ZNF860: variants seen among roughly 807,000 people sequenced by gnomAD.
The protein encoded by ZNF860 is zinc finger protein 860.
For missense variants in ZNF860, 641 were observed against 759.2 expected (o/e 0.84, Z 1.83); for synonymous variants, 206 against 248.9 (o/e 0.83, Z 1.62).
At chr3:32,002,352 C>T in the ZNF860 span, among the ~76,000 whole-genome samples, 2 of 152,156 alleles carry the variant, frequency 1.3e-5, no homozygotes, top group Non-Finnish European at 2.9e-5. Flanking sequence ...CATAGGGTAT[C>T]TCCCCAAACA....
intron 1 of ZNF860, among the ~76,000 whole-genome samples, chr3:31,987,431 T>G (rs781122652): frequency 2.6e-5 from 4 of 152,258 alleles, no homozygotes; most frequent in Non-Finnish European, 4.4e-5. Flanking sequence ...TACATTAGTT[T>G]AATTATTTCC....
At chr3:31,995,668 TTAAAA>T (rs1699084261), downstream of ZNF860, among the ~76,000 whole-genome samples, 1 of 152,158 alleles carries the variant, frequency 6.6e-6, no homozygotes, top group African/African-American at 2.4e-5. Context: ...GATTAAGAGA[TTAAAA>T]TAAAGACAGG....
the ZNF860 span, among the ~76,000 whole-genome samples, chr3:32,006,127 T>C: frequency 6.6e-6 from 1 of 151,906 alleles, no homozygotes; most frequent in Non-Finnish European, 1.5e-5. Context: ...GTATTTTTAA[T>C]AGAGACGGGG....
At chr3:31,999,694 T>C in the ZNF860 span, among the ~76,000 whole-genome samples, 2 of 152,032 alleles carry the variant, frequency 1.3e-5, no homozygotes, top group African/African-American at 4.8e-5. Flanking sequence ...TTGCCATTCA[T>C]AAGTTTTGCT....
At chr3:31,984,957 G>A (rs886131786) in intron 1 of ZNF860, among the ~76,000 whole-genome samples, 1 of 152,182 alleles carries the variant, frequency 6.6e-6, no homozygotes, top group African/African-American at 2.4e-5. Flanking sequence ...ATATTGGCTA[G>A]GCCAGGCGCG....
intron 1 of ZNF860, among the ~76,000 whole-genome samples, chr3:31,983,077 C>T (rs964305270): frequency 6.6e-6 from 1 of 152,202 alleles, no homozygotes; most frequent in African/African-American, 2.4e-5. Flanking sequence ...ACAGCAGATC[C>T]TAAGCCAGTT....
intron 1 of ZNF860, among the ~76,000 whole-genome samples, chr3:31,984,348 G>GT (rs144693842): frequency 0.077 from 11,199 of 144,992 alleles, 575 homozygotes; most frequent in East Asian, 0.32. Flanking sequence ...CCCACCTAAG[G>GT]TTTTTTTTTT....
chr3:31,989,014 T>C lies in ZNF860; in HGVS notation c.-66T>C. On this transcript the variant is annotated 5_prime_UTR_variant, in exon 2 of 2. Coordinates refer to ENST00000360311, the MANE Select transcript of ZNF860 (RefSeq NM_001137674.3). The stretch of plus-strand genomic sequence containing the variant: ...TTGTTTCTCGGAAACAGATAACTAA[T>C]ACAGAGCAGGAAGCAGATCGCCTCA... The C allele has an allele frequency of 6.3e-7, 1 of 1,589,966 alleles. No individual in the cohort carries two copies. Among genetic ancestry groups the C allele is most frequent in the Admixed American group, 1.8e-5 (1 of 56,868 alleles).
At chr3:31,998,277 G>A in the ZNF860 span, among the ~76,000 whole-genome samples, 1 of 152,112 alleles carries the variant, frequency 6.6e-6, no homozygotes, top group Non-Finnish European at 1.5e-5. Context: ...GGGAAGAAAT[G>A]AGGAATGGCT....
At chr3:31,982,648 G>GT (rs1698873618) in intron 1 of ZNF860, among the ~76,000 whole-genome samples, 2 of 127,540 alleles carry the variant, frequency 1.6e-5, no homozygotes, top group African/African-American at 5.6e-5. Flanking sequence ...CCTACATAGT[G>GT]TTAAAAAAAA....
Position 31,989,258 on chromosome 3 carries a change from T to C in ZNF860, c.179T>C (p.Leu60Pro). Reference sequence around the variant, plus strand: ...ATGATGTTGGAGAACTACAGGAACCTGCATTCTGTGGATATCTCTTCCAAA... The same window carrying C: ...ATGATGTTGGAGAACTACAGGAACCCGCATTCTGTGGATATCTCTTCCAAA... ...RAMMLENYRN[L>P]HSVDISSKCM... Residue 60 changes from leucine to proline, a missense_variant, in exon 2 of 2, where the codon CTG (leucine) becomes CCG (proline). Physicochemically the swap from Leu to Pro is moderately conservative, Grantham distance 98. Transcript: ENST00000360311. 2 of 1,614,208 alleles carry C rather than the reference T, an allele frequency of 1.2e-6. No homozygotes were observed. Among genetic ancestry groups the C allele is most frequent in the South Asian group, 1.1e-5 (1 of 91,078 alleles).
the ZNF860 span, among the ~76,000 whole-genome samples, chr3:32,000,844 C>T: frequency 1.3e-5 from 2 of 152,198 alleles, no homozygotes; most frequent in East Asian, 3.8e-4. Flanking sequence ...ATACCTTTCT[C>T]TTCCATGGCC....
chr3:31,992,416 C>A (rs917386857), downstream of ZNF860, among the ~76,000 whole-genome samples: 1 of 152,038 alleles, frequency 6.6e-6, no homozygotes, highest in African/African-American at 2.4e-5. Flanking sequence ...ATGGGTCTTA[C>A]ATGGTAAAAT....
chr3:31,990,914 A>G lies in ZNF860; in HGVS notation c.1835A>G (p.His612Arg). 61 of 1,574,742 alleles carry G rather than the reference A, an allele frequency of 3.9e-5. No homozygotes were observed. Among genetic ancestry groups the G allele is most frequent in the Non-Finnish European group, 5.3e-5 (61 of 1,158,862 alleles). ...AFTSHSHRIR[H>R]QRIHTGQKSY... ...ACTTCACATTCACATCGCATTAGACATCAGAGAATCCATACCGGACAGAAA... is the reference window on the plus strand; with the variant it reads ...ACTTCACATTCACATCGCATTAGACGTCAGAGAATCCATACCGGACAGAAA... Residue 612 changes from histidine (H) to arginine (R), a missense_variant, in exon 2 of 2, where the codon CAT becomes CGT. Transcript: ENST00000360311.
chr3:31,997,663 C>G, the ZNF860 span, among the ~76,000 whole-genome samples: 1 of 151,950 alleles, frequency 6.6e-6, no homozygotes, highest in Admixed American at 6.6e-5. Flanking sequence ...ATCAAATAGT[C>G]TGCTTACCAC....
chr3:31,986,996 G>C (rs1698942811), intron 1 of ZNF860, among the ~76,000 whole-genome samples: 1 of 152,136 alleles, frequency 6.6e-6, no homozygotes, highest in South Asian at 2.1e-4. Context: ...GACAGAGCAA[G>C]ACCCTATCTC....
At chr3:32,004,666 T>C in the ZNF860 span, among the ~76,000 whole-genome samples, 1,649 of 152,294 alleles carry the variant, frequency 0.011, 27 homozygotes, top group African/African-American at 0.038. Flanking sequence ...ACAAAACTAT[T>C]GAACACCTGC....
chr3:32,006,262 G>A, the ZNF860 span, among the ~76,000 whole-genome samples: 1 of 152,042 alleles, frequency 6.6e-6, no homozygotes, highest in South Asian at 2.1e-4. Flanking sequence ...TTTTATTTTG[G>A]TATCCAATGA....
At chr3:32,004,861 A>C in the ZNF860 span, among the ~76,000 whole-genome samples, 1 of 152,208 alleles carries the variant, frequency 6.6e-6, no homozygotes, top group Non-Finnish European at 1.5e-5. Flanking sequence ...AATTAAGTAA[A>C]TTATAGTCCT....
Sources: gnomAD v4.1 joint callset for allele counts (sites outside exome capture counted in the v4.1 genomes callset) on GRCh38, gnomAD v4.1.1 for gene constraint, MANE v1.5 for transcripts, NCBI Gene and HGNC (gene_info 2026-07-23, HGNC 2026-07-21) for gene names.